The following TNRC18 variants were observed in gnomAD, a reference collection of about 807,000 sequenced individuals.
The protein encoded by TNRC18 is trinucleotide repeat-containing gene 18 protein.
A neutral mutation model predicts 226.7 loss-of-function variants in TNRC18; 69 were observed. The ratio of observed to expected loss-of-function variants is 0.30; its 90% CI spans 0.25 to 0.37. TNRC18 has a LOEUF of 0.37. TNRC18 is among the 10% of genes least tolerant of loss of function. TNRC18 has a pLI of 1.00. For synonymous variants in TNRC18, 2,449 were observed against 1,927.6 expected, an observed-to-expected ratio of 1.27 and a Z score of -7.09; for missense variants, 4,754 against 4,256.6, an observed-to-expected ratio of 1.12 and a Z score of -3.25.
intron 18 of TNRC18, among the ~76,000 whole-genome samples, chr7:5,345,113 G>A (rs1791032043): frequency 6.6e-6 from 1 of 152,162 alleles, no homozygotes; most frequent in South Asian, 2.1e-4. Context: ...CACAAAGTCT[G>A]AATGAGATGC....
chr7:5,397,312 G>A (rs1364014822), intron 2 of TNRC18, among the ~76,000 whole-genome samples: 2 of 152,180 alleles, frequency 1.3e-5, no homozygotes, highest in Non-Finnish European at 2.9e-5. Flanking sequence ...TACATCAGCC[G>A]CCAGCTCTTC....
At position 5,307,873 on chromosome 7, in the gene TNRC18, G is replaced by A. The variant is rs1165004699; in HGVS notation, c.*233C>T. 19 of 572,884 alleles carry A rather than the reference G, an allele frequency of 3.3e-5. No homozygotes were observed. In the East Asian group the frequency reaches 5.5e-4, roughly 17 times the overall value. 35.5% of individuals were successfully genotyped at this position (572,884 alleles called of 1,614,324 possible). ...ACCCTGATAGCTAAGAGGGGCCCCTGTCCTGGGGGCACTGAGGGGTTGGAA... is the reference window on the plus strand; with the variant it reads ...ACCCTGATAGCTAAGAGGGGCCCCTATCCTGGGGGCACTGAGGGGTTGGAA... On this transcript the variant is annotated 3_prime_UTR_variant, in exon 30 of 30. Transcript: ENST00000430969.
At chr7:5,380,778 G>C (rs190499617) in intron 5 of TNRC18, among the ~76,000 whole-genome samples, 4 of 152,186 alleles carry the variant, frequency 2.6e-5, no homozygotes, top group Non-Finnish European at 4.4e-5. Context: ...CTGGGGCAAC[G>C]GAGGGCCACT....
chr7:5,385,349 G>A (rs1171179316), intron 5 of TNRC18, among the ~76,000 whole-genome samples: 3 of 151,616 alleles, frequency 2.0e-5, no homozygotes, highest in Admixed American at 6.6e-5. Flanking sequence ...TTAGCCGGGC[G>A]CGGTGGCGGG....
At position 5,367,131 on chromosome 7, in the gene TNRC18, G is replaced by A. The variant is rs551693379; in HGVS notation, c.4219+3244C>T. Among the ~76,000 whole-genome samples the A allele has an allele frequency of 2.0e-5, 3 of 152,264 alleles. No homozygotes were observed. In the South Asian group the frequency reaches 6.2e-4, roughly 32 times the overall value. The stretch of plus-strand genomic sequence containing the variant: ...TGTAATCCCAGCACTTTGGGAGGCT[G>A]AGGCGGGCGGATCACTTGAGGCCAG... On this transcript the variant is annotated intron_variant, in intron 11 of 29. Coordinates refer to ENST00000430969, the MANE Select transcript of TNRC18 (RefSeq NM_001080495.3).
At chr7:5,354,866 G>A (rs753812730) in intron 16 of TNRC18, among the ~76,000 whole-genome samples, 1 of 152,190 alleles carries the variant, frequency 6.6e-6, no homozygotes, top group South Asian at 2.1e-4. Context: ...TCTTAACTCT[G>A]AGTCCATAAA....
chr7:5,350,198 G>A (rs1243356501), intron 17 of TNRC18, among the ~76,000 whole-genome samples: 2 of 152,088 alleles, frequency 1.3e-5, no homozygotes, highest in Non-Finnish European at 2.9e-5. Flanking sequence ...AGCCCGGGCA[G>A]GGGGAGGCCT....
Position 5,307,128 on chromosome 7 carries a change from G to A in TNRC18, c.*978C>T, listed in dbSNP as rs1204767170. On this transcript the variant is annotated 3_prime_UTR_variant, in exon 30 of 30. Coordinates refer to ENST00000430969, the MANE Select transcript of TNRC18 (RefSeq NM_001080495.3). The stretch of plus-strand genomic sequence containing the variant: ...GTGGGGTGGGCGGGGGGTGTGCTGG[G>A]GACTGGGAGGCCGGTGAAGCCGGTG... 1 of 151,502 alleles carries A rather than the reference G, an allele frequency of 6.6e-6. No homozygotes were observed. The highest frequency in any genetic ancestry group is 1.5e-5 in the Non-Finnish European group (1 of 67,902). 9.4% of individuals were successfully genotyped at this position (151,502 alleles called of 1,614,324 possible). A position where few individuals can be genotyped will look rare whatever the true frequency, so the allele number is the denominator to read the frequency against.
At chr7:5,352,890 CCT>C (rs1791974175) in intron 16 of TNRC18, among the ~76,000 whole-genome samples, 2 of 152,230 alleles carry the variant, frequency 1.3e-5, no homozygotes, top group African/African-American at 2.4e-5. Context: ...AGAATAATCC[CCT>C]GATCTGCTGA....
intron 5 of TNRC18, 111 bp downstream of exon 5, chr7:5,387,561 T>C (rs1779883636): frequency 4.9e-6 from 7 of 1,432,852 alleles, no homozygotes; most frequent in Non-Finnish European, 6.6e-6. Flanking sequence ...TAAAAAATGA[T>C]ACTTATAAAG....
At chr7:5,338,350 C>CGCCAATTGTAACCAAGAGAGCT (rs1194768465) in intron 18 of TNRC18, among the ~76,000 whole-genome samples, 46 of 152,102 alleles carry the variant, frequency 3.0e-4, no homozygotes, top group Non-Finnish European at 7.3e-5. Context: ...AGGTATACCA[C>CGCCAATTGTAACCAAGAGAGCT]GCCAATTGTA....
At chr7:5,316,745 C>G (rs1392178104) in intron 24 of TNRC18, among the ~76,000 whole-genome samples, 2 of 152,110 alleles carry the variant, frequency 1.3e-5, no homozygotes, top group Non-Finnish European at 2.9e-5. Flanking sequence ...AGTGGGAGAC[C>G]GTGGCATTTC....
At chr7:5,360,821 G>GT (rs1449669424) in intron 14 of TNRC18, among the ~76,000 whole-genome samples, 3 of 152,176 alleles carry the variant, frequency 2.0e-5, no homozygotes, top group Admixed American at 1.3e-4. Context: ...CCTTGGGGCT[G>GT]TTTTATCCTG....
chr7:5,348,769 G>A (rs1791474145), intron 17 of TNRC18, among the ~76,000 whole-genome samples: 1 of 152,122 alleles, frequency 6.6e-6, no homozygotes, highest in Admixed American at 6.5e-5. Context: ...GGCCAGCCAG[G>A]CAGGCGGGGG....
chr7:5,405,967 C>T (rs367835567), intron 2 of TNRC18, among the ~76,000 whole-genome samples: 1 of 152,214 alleles, frequency 6.6e-6, no homozygotes, highest in African/African-American at 2.4e-5. Context: ...ATTTGCACAC[C>T]CATGTTCATA....
intron 10 of TNRC18, among the ~76,000 whole-genome samples, chr7:5,371,735 C>T (rs1439027971): frequency 6.6e-6 from 1 of 152,208 alleles, no homozygotes; most frequent in African/African-American, 2.4e-5. Context: ...TCTCCACTCC[C>T]CAGGAACCTA....
intron 16 of TNRC18, among the ~76,000 whole-genome samples, chr7:5,356,589 G>A (rs188739898): frequency 7.2e-5 from 11 of 152,220 alleles, no homozygotes; most frequent in Non-Finnish European, 1.5e-4. Context: ...AGGCTTCCTC[G>A]CCTATGACAT....
At chr7:5,404,043 A>C (rs1234102244) in intron 2 of TNRC18, among the ~76,000 whole-genome samples, 1 of 152,146 alleles carries the variant, frequency 6.6e-6, no homozygotes, top group African/African-American at 2.4e-5. Flanking sequence ...ATGGGTTAAC[A>C]CTCTGGCTAT....
At chr7:5,382,533 G>A (rs1779469795) in intron 5 of TNRC18, among the ~76,000 whole-genome samples, 1 of 151,874 alleles carries the variant, frequency 6.6e-6, no homozygotes, top group African/African-American at 2.4e-5. Context: ...GCTCTCCAGG[G>A]GTCCGGGGAA....
Sources: gnomAD v4.1 joint callset for allele counts (sites outside exome capture counted in the v4.1 genomes callset) on GRCh38, gnomAD v4.1.1 for gene constraint, MANE v1.5 for transcripts, NCBI Gene and HGNC (gene_info 2026-07-23, HGNC 2026-07-21) for gene names.